C8A: variants seen among roughly 807,000 people sequenced by gnomAD.
The protein encoded by C8A is complement component C8 alpha chain.
C8A carries 67 observed loss-of-function variants against 65.3 expected under a neutral mutation model. That is an observed-to-expected ratio of 1.03 (90% confidence interval 0.84 to 1.26). The LOEUF is 1.26. Ranked by LOEUF, C8A falls within the 50% of genes most tolerant of loss-of-function variation. C8A has a pLI of 0.00. For synonymous variants in C8A, 290 were observed against 259.4 expected, an observed-to-expected ratio of 1.12 and a Z score of -1.13; for missense variants, 781 against 723.9, an observed-to-expected ratio of 1.08 and a Z score of -0.90.
intron 2 of C8A, among the ~76,000 whole-genome samples, chr1:56,872,723 G>GAT (rs1200231235): frequency 2.0e-5 from 3 of 152,124 alleles, no homozygotes; most frequent in Non-Finnish European, 4.4e-5. Context: ...CAATGAGCAA[G>GAT]ATATATTTGG....
Position 56,867,666 on chromosome 1 carries a change from A to G in C8A, c.135A>G (p.Ser45=), listed in dbSNP as rs370901746. Residue 45 remains serine, a synonymous_variant, in exon 2 of 11, where the codon TCA becomes TCG. Transcript: ENST00000361249. ...AAVTCQLSNW[S]EWTDCFPCQD... ...TTACCTGCCAGCTGAGCAACTGGTC[A>G]GAGTGGACAGATTGCTTTCCGTGCC... is the stretch of plus-strand genomic sequence containing the variant. The G allele has an allele frequency of 6.2e-7, 1 of 1,613,940 alleles. No individual in the cohort carries two copies. Among genetic ancestry groups the G allele is most frequent in the Non-Finnish European group, 8.5e-7 (1 of 1,179,906 alleles).
chr1:56,886,221 T>C (rs1644299388), intron 7 of C8A, 54 bp downstream of exon 7: 7 of 1,609,050 alleles, frequency 4.4e-6, no homozygotes, highest in Non-Finnish European at 5.9e-6. Flanking sequence ...CACCAGGTCA[T>C]GGTTTGAAGT....
intron 6 of C8A, among the ~76,000 whole-genome samples, chr1:56,884,953 A>G (rs996803185): frequency 7.9e-5 from 12 of 152,166 alleles, no homozygotes; most frequent in African/African-American, 2.9e-4. Flanking sequence ...ATGTCACTAA[A>G]GATATCTTAA....
chr1:56,915,006 T>G (rs1352346856), intron 10 of C8A, among the ~76,000 whole-genome samples: 1 of 152,196 alleles, frequency 6.6e-6, no homozygotes, highest in East Asian at 1.9e-4. Context: ...GCTGCCAATT[T>G]CCATCTGGGC....
At chr1:56,869,967 C>T (rs539246529) in intron 2 of C8A, among the ~76,000 whole-genome samples, 1 of 152,254 alleles carries the variant, frequency 6.6e-6, no homozygotes, top group South Asian at 2.1e-4. Context: ...GAAACACACA[C>T]AATTTTGACC....
intron 2 of C8A, among the ~76,000 whole-genome samples, chr1:56,870,107 C>T (rs1287607780): frequency 1.3e-5 from 2 of 152,038 alleles, no homozygotes; most frequent in Admixed American, 6.6e-5. Flanking sequence ...CTCTGACATC[C>T]TGTATTAGTT....
rs571400850 is a variant in C8A at position 56,860,573 on chromosome 1, C to A, written c.77+5595C>A. The stretch of plus-strand genomic sequence containing the variant: ...AAGGTAAAGTAGAAGAAGGTCTTGG[C>A]CCACAGGAAGGCATAACAAGGAGCT... On this transcript the variant is annotated intron_variant, in intron 1 of 10. Transcript: ENST00000361249. Among the ~76,000 whole-genome samples the A allele has an allele frequency of 8.3e-4, 126 of 152,226 alleles. 1 individual carries two copies. Among genetic ancestry groups the A allele is most frequent in the African/African-American group, 2.9e-3 (119 of 41,548 alleles).
intron 7 of C8A, among the ~76,000 whole-genome samples, chr1:56,904,895 T>C (rs1235436569): frequency 6.6e-6 from 1 of 152,138 alleles, no homozygotes; most frequent in Non-Finnish European, 1.5e-5. Context: ...TGTTGCCAGA[T>C]CTTTCATGAG....
chr1:56,886,064 C>T lies in C8A; in HGVS notation c.993C>T (p.Ala331=). 4 of 1,613,982 alleles carry T rather than the reference C, an allele frequency of 2.5e-6. No individual in the cohort carries two copies. Among genetic ancestry groups the T allele is most frequent in the Non-Finnish European group, 3.4e-6 (4 of 1,179,946 alleles). The change falls in exon 7 of 11, where the codon GCC becomes GCT. Residue 331 remains alanine (A), a synonymous_variant. Transcript: ENST00000361249. ...LPDQYNYGMY[A]KFINDYGTHY... ...ATCAGTACAATTATGGCATGTATGCCAAGTTCATCAATGACTATGGCACCC... is the reference window on the plus strand; with the variant it reads ...ATCAGTACAATTATGGCATGTATGCTAAGTTCATCAATGACTATGGCACCC...
intron 9 of C8A, among the ~76,000 whole-genome samples, chr1:56,908,759 G>A (rs937341307): frequency 6.6e-6 from 1 of 152,156 alleles, no homozygotes; most frequent in African/African-American, 2.4e-5. Flanking sequence ...GAAAAATCAA[G>A]TGAAAATATT....
intron 7 of C8A, among the ~76,000 whole-genome samples, chr1:56,895,298 C>T (rs190732011): frequency 4.6e-4 from 70 of 152,202 alleles, no homozygotes; most frequent in African/African-American, 1.5e-3. Flanking sequence ...AGGGTAAACA[C>T]CTTAAATGCA....
chr1:56,885,720 T>C (rs1199745767), intron 6 of C8A, among the ~76,000 whole-genome samples: 1 of 151,616 alleles, frequency 6.6e-6, no homozygotes, highest in Non-Finnish European at 1.5e-5. Flanking sequence ...CCCAGCTAAT[T>C]TTTGTATTTT....
chr1:56,884,786 C>A (rs1644276468), intron 6 of C8A, among the ~76,000 whole-genome samples: 1 of 152,000 alleles, frequency 6.6e-6, no homozygotes, highest in South Asian at 2.1e-4. Flanking sequence ...TGCTGCTTTT[C>A]TTTATTACTT....
At position 56,907,940 on chromosome 1, in the gene C8A, A is replaced by G. The variant is rs372170114; in HGVS notation, c.1223-16A>G. 205 of 1,613,932 alleles carry G rather than the reference A, an allele frequency of 1.3e-4. No individual in the cohort carries two copies. The highest frequency in any genetic ancestry group is 1.7e-4 in the Non-Finnish European group (203 of 1,179,964). On this transcript the variant is annotated splice_polypyrimidine_tract_variant and intron_variant, in intron 8 of 10. Transcript: ENST00000361249. ...TTTGGGAAATGAGTTAATGCAGTTT[A>G]TCCTCTTGATGGCAGAAAGGGCCAG...
intron 2 of C8A, among the ~76,000 whole-genome samples, chr1:56,874,566 C>G (rs1320934114): frequency 6.6e-6 from 1 of 152,136 alleles, no homozygotes; most frequent in Non-Finnish European, 1.5e-5. Flanking sequence ...CGTGGATGCT[C>G]AATTGCAACT....
chr1:56,878,143 C>T (rs1378745458), intron 4 of C8A, among the ~76,000 whole-genome samples: 1 of 152,026 alleles, frequency 6.6e-6, no homozygotes, highest in Non-Finnish European at 1.5e-5. Flanking sequence ...TTCCCTCGTA[C>T]ATATCTGTGT....
At chr1:56,885,356 A>G (rs1281777559) in intron 6 of C8A, among the ~76,000 whole-genome samples, 10 of 89,798 alleles carry the variant, frequency 1.1e-4, no homozygotes, top group Non-Finnish European at 1.9e-4. Flanking sequence ...ATATATATTT[A>G]TGTAAATATA....
chr1:56,917,143 G>A (rs1022169820), intron 10 of C8A, among the ~76,000 whole-genome samples: 2 of 152,168 alleles, frequency 1.3e-5, no homozygotes, highest in African/African-American at 2.4e-5. Context: ...GCTCCCAGTG[G>A]CCTCTTCTCA....
Position 56,887,718 on chromosome 1 carries a change from GC to G in C8A, c.1096+1553del, listed in dbSNP as rs534816426. ...CTGCAGCAGCATTCACAATAACAAAGCCTTGTAACCAAATCAAATGTCCCTC... is the reference window on the plus strand; with the variant it reads ...CTGCAGCAGCATTCACAATAACAAAGCTTGTAACCAAATCAAATGTCCCTC... On this transcript the variant is annotated intron_variant, in intron 7 of 10. Coordinates refer to ENST00000361249, the MANE Select transcript of C8A (RefSeq NM_000562.3). 3.4e-4 allele frequency among the ~76,000 whole-genome samples: 51 copies of G among 152,230 alleles called. 2 individuals are homozygous for G. The South Asian group carries it at 7.3e-3, about 22-fold the overall frequency.
Sources: gnomAD v4.1 joint callset for allele counts (sites outside exome capture counted in the v4.1 genomes callset) on GRCh38, gnomAD v4.1.1 for gene constraint, MANE v1.5 for transcripts, NCBI Gene and HGNC (gene_info 2026-07-23, HGNC 2026-07-21) for gene names.